Variants in C3orf85 observed in about 807,000 individuals in gnomAD.
C3orf85 encodes chromosome 3 open reading frame 85, also known as uncharacterized protein C3orf85.
In C3orf85, 1 loss-of-function variant was observed where a neutral mutation model predicts 1.7. The ratio of observed to expected loss-of-function variants is 0.60; its 90% CI spans 0.21 to 2.86. The LOEUF is 2.86. C3orf85 is among the 30% of genes most tolerant of loss of function. The pLI is 0.22. For synonymous variants in C3orf85, 17 were observed against 8.0 expected, an observed-to-expected ratio of 2.13 and a Z score of -1.90; for missense variants, 29 against 21.3, an observed-to-expected ratio of 1.36 and a Z score of -0.72.
intron 2 of C3orf85, among the ~76,000 whole-genome samples, chr3:109,141,806 G>T (rs1423722744): frequency 6.6e-6 from 1 of 152,168 alleles, no homozygotes; most frequent in Non-Finnish European, 1.5e-5. Flanking sequence ...AACGCAGGCA[G>T]ATCACTTGAG....
chr3:109,148,673 G>C (rs1311939089), intron 3 of C3orf85: 5 of 333,630 alleles, frequency 1.5e-5, no homozygotes, highest in African/African-American at 1.1e-4. Context: ...CAAATAAATA[G>C]CTCTCAAAAT....
At chr3:109,143,502 G>A (rs1024973516) in intron 2 of C3orf85, among the ~76,000 whole-genome samples, 1 of 152,088 alleles carries the variant, frequency 6.6e-6, no homozygotes, top group African/African-American at 2.4e-5. Flanking sequence ...TAATTATTGG[G>A]TAAGTCTACT....
At chr3:109,137,984 G>A (rs1343606330) in intron 2 of C3orf85, among the ~76,000 whole-genome samples, 2 of 152,074 alleles carry the variant, frequency 1.3e-5, no homozygotes, top group African/African-American at 2.4e-5. Flanking sequence ...ACTTTAGAGG[G>A]GGTAACGGTG....
rs1431755773 is a variant in C3orf85, at chr3:109,148,240, C to T, written c.50-13C>T. On this transcript the variant is annotated splice_polypyrimidine_tract_variant and intron_variant, in intron 2 of 3. Transcript: ENST00000622536. Reference sequence around the variant, plus strand: ...CTCTAAAAGATGCTGTGCTCTTGGACTCTAAATTGCAGGAGCATTGGGAGC... The same window carrying T: ...CTCTAAAAGATGCTGTGCTCTTGGATTCTAAATTGCAGGAGCATTGGGAGC... 1 of 700,370 alleles carries T rather than the reference C, an allele frequency of 1.4e-6. No homozygotes were observed. Among genetic ancestry groups the T allele is most frequent in the African/African-American group, 1.8e-5 (1 of 57,122 alleles). 43.4% of individuals were successfully genotyped at this position (700,370 alleles called of 1,614,324 possible). A position where few individuals can be genotyped will look rare whatever the true frequency, so the allele number is the denominator to read the frequency against.
intron 2 of C3orf85, among the ~76,000 whole-genome samples, chr3:109,141,600 T>A (rs1706744232): frequency 6.6e-6 from 1 of 152,170 alleles, no homozygotes; most frequent in Non-Finnish European, 1.5e-5. Context: ...TTCTCACCAA[T>A]TTTTATCCAA....
chr3:109,138,438 T>C (rs1706704209), intron 2 of C3orf85, among the ~76,000 whole-genome samples: 1 of 152,226 alleles, frequency 6.6e-6, no homozygotes, highest in Non-Finnish European at 1.5e-5. Context: ...GAGAAGAAAG[T>C]AGTAGCTTGA....
intron 2 of C3orf85, among the ~76,000 whole-genome samples, chr3:109,143,294 T>C (rs948816622): frequency 2.6e-5 from 4 of 152,236 alleles, no homozygotes; most frequent in African/African-American, 9.6e-5. Context: ...TTCAAGGTTA[T>C]GTGTATAGGG....
chr3:109,149,582 C>T, intron 3 of C3orf85: 1 of 319,692 alleles, frequency 3.1e-6, no homozygotes, highest in Middle Eastern at 8.3e-4. Context: ...TGTAGCAAGA[C>T]TCTGCTACAT....
chr3:109,137,899 T>C (rs1559968145), intron 2 of C3orf85, among the ~76,000 whole-genome samples: 1 of 151,952 alleles, frequency 6.6e-6, no homozygotes, highest in African/African-American at 2.4e-5. Flanking sequence ...TCAGAGCACA[T>C]TGTAATTTAA....
At chr3:109,136,935 C>T (rs905641578) in intron 2 of C3orf85, 39 bp downstream of exon 2, 4 of 404,190 alleles carry the variant, frequency 9.9e-6, no homozygotes, top group Middle Eastern at 6.4e-4. Context: ...ATGTCTCCTA[C>T]AGCCATCAGG....
At chr3:109,142,400 T>G (rs1055696271) in intron 2 of C3orf85, among the ~76,000 whole-genome samples, 3 of 152,158 alleles carry the variant, frequency 2.0e-5, no homozygotes, top group Admixed American at 6.5e-5. Context: ...GTGCTTTACT[T>G]TCACCATCCC....
chr3:109,141,614 C>G (rs1397095096), intron 2 of C3orf85, among the ~76,000 whole-genome samples: 1 of 152,098 alleles, frequency 6.6e-6, no homozygotes, highest in Non-Finnish European at 1.5e-5. Context: ...TATCCAAGTT[C>G]AAGCAAAGTG....
chr3:109,137,070 C>CTCTGTGTG (rs149739044), intron 2 of C3orf85, among the ~76,000 whole-genome samples, 174 bp downstream of exon 2: 2 of 149,758 alleles, frequency 1.3e-5, no homozygotes, highest in African/African-American at 2.5e-5. Flanking sequence ...TTAATGTTAA[C>CTCTGTGTG]TGTGTGTGTG....
chr3:109,138,443 G>A (rs1318490339), intron 2 of C3orf85, among the ~76,000 whole-genome samples: 1 of 152,162 alleles, frequency 6.6e-6, no homozygotes, highest in African/African-American at 2.4e-5. Context: ...GAAAGTAGTA[G>A]CTTGAATGAA....
intron 2 of C3orf85, chr3:109,146,367 C>A (rs1706799564): frequency 6.6e-6 from 1 of 152,178 alleles, no homozygotes; most frequent in Admixed American, 6.5e-5. Flanking sequence ...ATAATGCATT[C>A]TATAAGTTAT....
chr3:109,136,766 C>T (rs1706681734), intron 1 of C3orf85, 25 bp downstream of exon 1: 1 of 400,710 alleles, frequency 2.5e-6, no homozygotes, highest in Non-Finnish European at 4.4e-6. Flanking sequence ...CTTTATACTT[C>T]TGAAAAGTAC....
At chr3:109,143,200 A>T (rs1179332455) in intron 2 of C3orf85, among the ~76,000 whole-genome samples, 1 of 152,236 alleles carries the variant, frequency 6.6e-6, no homozygotes, top group Non-Finnish European at 1.5e-5. Context: ...ATCTGCCAGC[A>T]GACTCTGTCC....
At chr3:109,141,415 G>C (rs1706742371) in intron 2 of C3orf85, among the ~76,000 whole-genome samples, 1 of 152,024 alleles carries the variant, frequency 6.6e-6, no homozygotes, top group Non-Finnish European at 1.5e-5. Context: ...TATCTGCCCT[G>C]TGGCTTTTCA....
At chr3:109,141,558 T>TTC (rs1236301919) in intron 2 of C3orf85, among the ~76,000 whole-genome samples, 1 of 151,884 alleles carries the variant, frequency 6.6e-6, no homozygotes, top group Non-Finnish European at 1.5e-5. Context: ...CCCAAATTGC[T>TTC]TCTCTTCCAT....
Sources: allele counts gnomAD v4.1 joint callset (sites outside exome capture counted in the v4.1 genomes callset), GRCh38; gene constraint gnomAD v4.1.1; transcripts MANE v1.5; gene names NCBI Gene and HGNC (gene_info 2026-07-23, HGNC 2026-07-21).